RPL39L: variants seen among roughly 807,000 people sequenced by gnomAD.
The protein encoded by RPL39L is ribosomal protein eL39-like 2.
For synonymous variants in RPL39L, 16 were observed against 20.1 expected, an observed-to-expected ratio of 0.80 and a Z score of 0.55; for missense variants, 48 against 58.9, an observed-to-expected ratio of 0.81 and a Z score of 0.61.
intron 1 of RPL39L, among the ~76,000 whole-genome samples, chr3:187,128,520 T>C (rs1384826087): frequency 6.6e-6 from 1 of 152,168 alleles, no homozygotes; most frequent in Non-Finnish European, 1.5e-5. Flanking sequence ...TTTCTTTCTC[T>C]CTTTTTTGAG....
chr3:187,132,370 G>C, intron 1 of RPL39L, among the ~76,000 whole-genome samples: 1 of 152,210 alleles, frequency 6.6e-6, no homozygotes, highest in East Asian at 1.9e-4. Flanking sequence ...AAGATGCTCA[G>C]TTTCTGGGGG....
At chr3:187,127,768 C>A (rs1054240715) in intron 2 of RPL39L, among the ~76,000 whole-genome samples, 2 of 152,132 alleles carry the variant, frequency 1.3e-5, no homozygotes, top group Admixed American at 6.5e-5. Flanking sequence ...TAATTTTTCA[C>A]AAAATTAAAT....
At chr3:187,131,803 T>A (rs899922158) in intron 1 of RPL39L, among the ~76,000 whole-genome samples, 1 of 152,122 alleles carries the variant, frequency 6.6e-6, no homozygotes, top group Non-Finnish European at 1.5e-5. Flanking sequence ...ACAATACAGG[T>A]CTTAGCTGTT....
chr3:187,122,424 A>C (rs746267598), intron 2 of RPL39L, among the ~76,000 whole-genome samples: 3 of 151,990 alleles, frequency 2.0e-5, no homozygotes, highest in Non-Finnish European at 4.4e-5. Context: ...GGATAGTGGT[A>C]GTGTGCAAAA....
intron 2 of RPL39L, among the ~76,000 whole-genome samples, chr3:187,123,901 T>C (rs1429691312): frequency 2.0e-5 from 3 of 152,218 alleles, no homozygotes; most frequent in Non-Finnish European, 4.4e-5. Flanking sequence ...GCCAGTGACA[T>C]ACAGCTCTTA....
intron 2 of RPL39L, among the ~76,000 whole-genome samples, chr3:187,122,559 T>G (rs1002329016): frequency 3.3e-5 from 5 of 152,166 alleles, no homozygotes; most frequent in African/African-American, 1.2e-4. Context: ...TTATTCTATG[T>G]CTGGCATCTC....
At chr3:187,122,092 TTAC>T (rs1425321595) in intron 2 of RPL39L, among the ~76,000 whole-genome samples, 2 of 152,228 alleles carry the variant, frequency 1.3e-5, no homozygotes, top group African/African-American at 2.4e-5. Context: ...TACTTTCATG[TTAC>T]TACTATTTTA....
chr3:187,127,734 C>T (rs924319251), intron 2 of RPL39L, among the ~76,000 whole-genome samples: 13 of 152,180 alleles, frequency 8.5e-5, no homozygotes, highest in Non-Finnish European at 1.5e-4. Context: ...CAAGACATAA[C>T]TCCTTTCACT....
chr3:187,134,483 TAAA>T (rs72169562), intron 1 of RPL39L, among the ~76,000 whole-genome samples: 7 of 93,420 alleles, frequency 7.5e-5, no homozygotes, highest in African/African-American at 1.3e-4. Context: ...GCCTGACTGA[TAAA>T]AAAAAAAAAA....
intron 1 of RPL39L, among the ~76,000 whole-genome samples, chr3:187,137,452 G>T (rs991337242): frequency 6.6e-6 from 1 of 152,170 alleles, no homozygotes; most frequent in Admixed American, 6.5e-5. Context: ...GGAGGCTGCA[G>T]TGAGCCGAGG....
intron 1 of RPL39L, among the ~76,000 whole-genome samples, chr3:187,134,893 C>G (rs931407321): frequency 2.0e-5 from 3 of 152,200 alleles, no homozygotes; most frequent in Non-Finnish European, 4.4e-5. Flanking sequence ...AAATATTTTG[C>G]ATTCTGTGGT....
chr3:187,134,010 A>C (rs752071597), intron 1 of RPL39L, among the ~76,000 whole-genome samples: 3 of 152,154 alleles, frequency 2.0e-5, no homozygotes, highest in Admixed American at 2.0e-4. Context: ...AAAAGAAAAA[A>C]ACAACTCATT....
At chr3:187,128,407 A>G (rs904958713) in intron 1 of RPL39L, among the ~76,000 whole-genome samples, 2 of 152,206 alleles carry the variant, frequency 1.3e-5, no homozygotes, top group African/African-American at 4.8e-5. Context: ...AAAAACAGTA[A>G]TATTTGCCAT....
intron 1 of RPL39L, among the ~76,000 whole-genome samples, chr3:187,134,517 C>T (rs944006108): frequency 5.8e-5 from 8 of 137,760 alleles, no homozygotes; most frequent in Non-Finnish European, 1.2e-4. Flanking sequence ...ACACAAATTA[C>T]CAACATCTGC....
chr3:187,122,257 A>G (rs908698394), intron 2 of RPL39L, among the ~76,000 whole-genome samples: 3 of 152,338 alleles, frequency 2.0e-5, no homozygotes, highest in Admixed American at 6.5e-5. Flanking sequence ...CACAGTAGTT[A>G]TTTTTAATGA....
chr3:187,134,836 A>G (rs1008917040), intron 1 of RPL39L, among the ~76,000 whole-genome samples: 1 of 152,220 alleles, frequency 6.6e-6, no homozygotes, highest in African/African-American at 2.4e-5. Context: ...GGAATGCTTG[A>G]GCTTCAACTC....
chr3:187,138,614 T>A (rs1720628032), intron 1 of RPL39L, among the ~76,000 whole-genome samples: 1 of 152,202 alleles, frequency 6.6e-6, no homozygotes, highest in Non-Finnish European at 1.5e-5. Flanking sequence ...TCAGTGCCAC[T>A]CACATCCTGG....
chr3:187,137,224 A>AAATT (rs1720595748), intron 1 of RPL39L, among the ~76,000 whole-genome samples: 1 of 142,886 alleles, frequency 7.0e-6, no homozygotes, highest in Non-Finnish European at 1.5e-5. Flanking sequence ...AAAAAAAAAA[A>AAATT]GTGTCAGGTG....
intron 2 of RPL39L, among the ~76,000 whole-genome samples, chr3:187,124,914 T>TC (rs1720373148): frequency 6.6e-6 from 1 of 152,166 alleles, no homozygotes; most frequent in Non-Finnish European, 1.5e-5. Context: ...TTATATAATT[T>TC]CCAAAGTTCA....
Sources: gnomAD v4.1 joint callset for allele counts (sites outside exome capture counted in the v4.1 genomes callset) on GRCh38, gnomAD v4.1.1 for gene constraint, MANE v1.5 for transcripts, NCBI Gene and HGNC (gene_info 2026-07-23, HGNC 2026-07-21) for gene names.